The following TECRL variants were observed in gnomAD, a reference collection of about 807,000 sequenced individuals.
TECRL encodes trans-2,3-enoyl-CoA reductase like.
A neutral mutation model predicts 52.8 loss-of-function variants in TECRL; 63 were observed. The observed-to-expected ratio is 1.19, with a 90% confidence interval of 0.97 to 1.47. TECRL has a LOEUF of 1.47. Ranked by LOEUF, TECRL falls within the 40% of genes most tolerant of loss-of-function variation. TECRL has a pLI of 0.00. For missense variants in TECRL, 482 were observed against 429.6 expected (o/e 1.12, Z -1.08); for synonymous variants, 164 against 141.9 (o/e 1.16, Z -1.10).
intron 5 of TECRL, among the ~76,000 whole-genome samples, chr4:64,314,122 C>G (rs1205332283): frequency 6.6e-6 from 1 of 151,188 alleles, no homozygotes; most frequent in Non-Finnish European, 1.5e-5. Flanking sequence ...TGCACTCCAG[C>G]CTGGGTGACA....
At chr4:64,341,913 AGT>A (rs1719603142) in intron 2 of TECRL, among the ~76,000 whole-genome samples, 1 of 148,938 alleles carries the variant, frequency 6.7e-6, no homozygotes, top group African/African-American at 2.5e-5. Flanking sequence ...CTGACTGTGG[AGT>A]GGCCTGATCC....
chr4:64,342,871 A>C (rs963762157), intron 2 of TECRL, among the ~76,000 whole-genome samples: 2 of 152,176 alleles, frequency 1.3e-5, no homozygotes, highest in African/African-American at 2.4e-5. Flanking sequence ...CTAAAACATG[A>C]TATATGCATT....
At chr4:64,343,960 TA>T (rs950537460) in intron 2 of TECRL, among the ~76,000 whole-genome samples, 8 of 151,812 alleles carry the variant, frequency 5.3e-5, no homozygotes, top group African/African-American at 1.7e-4. Context: ...CATAAAATTT[TA>T]AAAAAAATAA....
intron 1 of TECRL, among the ~76,000 whole-genome samples, chr4:64,408,234 A>G (rs934120413): frequency 6.6e-6 from 1 of 151,926 alleles, no homozygotes; most frequent in Admixed American, 6.6e-5. Context: ...TAGCTAGAAC[A>G]TGGAAAAACG....
rs141158115 is a variant in TECRL at position 64,391,349 on chromosome 4, C to T, written c.235-16126G>A. Among the ~76,000 whole-genome samples, 450 of 151,786 alleles carry T rather than the reference C, an allele frequency of 3.0e-3. 1 individual carries two copies. The highest frequency in any genetic ancestry group is 5.8e-3 in the Non-Finnish European group (393 of 67,744). ...TTTCATATTCTCAAATGTATATTACCAGCACCAACTTGTTTTCACAGCTGC... is the reference window on the plus strand; with the variant it reads ...TTTCATATTCTCAAATGTATATTACTAGCACCAACTTGTTTTCACAGCTGC... On this transcript the variant is annotated intron_variant, in intron 1 of 11. Transcript: ENST00000381210.
intron 2 of TECRL, among the ~76,000 whole-genome samples, chr4:64,351,789 T>C (rs1319326245): frequency 1.3e-5 from 2 of 152,208 alleles, no homozygotes; most frequent in African/African-American, 4.8e-5. Flanking sequence ...GGCAGTCTAA[T>C]TGCATAGTAA....
chr4:64,381,762 AT>A (rs953665004), intron 1 of TECRL, among the ~76,000 whole-genome samples: 1 of 152,074 alleles, frequency 6.6e-6, no homozygotes, highest in African/African-American at 2.4e-5. Context: ...ATAGGGTATT[AT>A]CTTTTTGATG....
chr4:64,389,875 C>T (rs979551030), intron 1 of TECRL, among the ~76,000 whole-genome samples: 1 of 151,792 alleles, frequency 6.6e-6, no homozygotes, highest in Non-Finnish European at 1.5e-5. Flanking sequence ...TGTTCTATCC[C>T]TCCTCTTTAT....
At chr4:64,381,981 G>T (rs541978012) in intron 1 of TECRL, among the ~76,000 whole-genome samples, 1 of 151,624 alleles carries the variant, frequency 6.6e-6, no homozygotes, top group East Asian at 1.9e-4. Flanking sequence ...CTTTCTTTTA[G>T]AATTTTTGGA....
chr4:64,409,460 T>C, upstream of TECRL: 1 of 1,481,638 alleles, frequency 6.7e-7, no homozygotes, highest in Non-Finnish European at 8.9e-7. Context: ...TCAAATGGTA[T>C]GCCATTCCAA....
At chr4:64,376,249 A>C (rs1276323997) in intron 1 of TECRL, among the ~76,000 whole-genome samples, 1 of 151,876 alleles carries the variant, frequency 6.6e-6, no homozygotes, top group Admixed American at 6.6e-5. Context: ...ACTGTTCAGA[A>C]CTTTTTTTAT....
At chr4:64,388,455 G>A (rs1314117181) in intron 1 of TECRL, among the ~76,000 whole-genome samples, 9 of 151,736 alleles carry the variant, frequency 5.9e-5, no homozygotes, top group African/African-American at 1.7e-4. Context: ...GTAAGGTGAC[G>A]TCAGTTCTTC....
rs547241447 is a variant in TECRL, at chr4:64,280,040, T to G, written c.*32A>C. 1.9e-6 allele frequency: 3 copies of G among 1,565,970 alleles called. No homozygotes were observed. The African/African-American group carries it at 4.1e-5, about 22-fold the overall frequency. On this transcript the variant is annotated 3_prime_UTR_variant, in exon 12 of 12. Coordinates refer to ENST00000381210, the MANE Select transcript of TECRL (RefSeq NM_001010874.5). ...AGTCTTATTTATTGAATTTATATGT[T>G]GCTGTTTTCTATAGGAGATAAGATT...
At chr4:64,318,219 GC>G (rs1717644965) in intron 4 of TECRL, among the ~76,000 whole-genome samples, 1 of 151,720 alleles carries the variant, frequency 6.6e-6, no homozygotes, top group African/African-American at 2.4e-5. Flanking sequence ...AAGAGAAATA[GC>G]AAAAATAAAA....
chr4:64,396,584 C>A (rs1434994691), intron 1 of TECRL, among the ~76,000 whole-genome samples: 9 of 152,006 alleles, frequency 5.9e-5, no homozygotes. Context: ...TTTACAAACA[C>A]TTTCTTCCTT....
chr4:64,331,689 T>A (rs1718653370), intron 2 of TECRL, among the ~76,000 whole-genome samples: 2 of 151,966 alleles, frequency 1.3e-5, no homozygotes, highest in Admixed American at 1.3e-4. Context: ...AAAGATCAAA[T>A]AAAATTTATT....
chr4:64,358,664 T>C (rs1406177914), intron 2 of TECRL, among the ~76,000 whole-genome samples: 3 of 151,720 alleles, frequency 2.0e-5, no homozygotes, highest in African/African-American at 7.2e-5. Flanking sequence ...AAGCTATTAT[T>C]ATCTTTCAAA....
chr4:64,334,308 A>G (rs1183557455), intron 2 of TECRL, among the ~76,000 whole-genome samples: 1 of 152,126 alleles, frequency 6.6e-6, no homozygotes, highest in Non-Finnish European at 1.5e-5. Flanking sequence ...TTCATTTAGT[A>G]CAATACTTCA....
chr4:64,349,439 C>G lies in TECRL; in HGVS notation c.287-20883G>C, dbSNP rs146183405. 5.8e-3 allele frequency among the ~76,000 whole-genome samples: 882 copies of G among 152,090 alleles called. 10 individuals carry two copies. The highest frequency in any genetic ancestry group is 0.019 in the African/African-American group (805 of 41,492). On this transcript the variant is annotated intron_variant, in intron 2 of 11. Coordinates refer to ENST00000381210, the MANE Select transcript of TECRL (RefSeq NM_001010874.5). ...AGCCACCTCCCCCAGCCTATAAAAA[C>G]CTTTTAAGAATAAGCATATCAGGGT...
Sources: allele counts gnomAD v4.1 joint callset (sites outside exome capture counted in the v4.1 genomes callset), GRCh38; gene constraint gnomAD v4.1.1; transcripts MANE v1.5; gene names NCBI Gene and HGNC (gene_info 2026-07-23, HGNC 2026-07-21).